PTPRD: variants seen among roughly 807,000 people sequenced by gnomAD.
PTPRD encodes protein tyrosine phosphatase receptor type D.
A neutral mutation model predicts 214.5 loss-of-function variants in PTPRD; 34 were observed. The ratio of observed to expected loss-of-function variants is 0.16; its 90% CI spans 0.12 to 0.21. PTPRD has a LOEUF of 0.21. PTPRD is among the 10% of genes least tolerant of loss of function. PTPRD has a pLI of 1.00. For missense variants in PTPRD, 2,545 were observed against 2,398.7 expected, an observed-to-expected ratio of 1.06 and a Z score of -1.27; for synonymous variants, 1,128 against 845.7, an observed-to-expected ratio of 1.33 and a Z score of -5.79.
chr9:9,745,724 C>T (rs555484404), intron 6 of PTPRD, among the ~76,000 whole-genome samples: 2 of 152,184 alleles, frequency 1.3e-5, no homozygotes, highest in South Asian at 4.1e-4. Flanking sequence ...ACCTTTCTGG[C>T]CTCAATTTTG....
At chr9:9,725,194 G>A (rs966948904) in intron 7 of PTPRD, among the ~76,000 whole-genome samples, 1 of 152,074 alleles carries the variant, frequency 6.6e-6, no homozygotes, top group Non-Finnish European at 1.5e-5. Flanking sequence ...CGTGTTCTGG[G>A]AAGGATCTGG....
intron 8 of PTPRD, among the ~76,000 whole-genome samples, chr9:9,477,885 G>T (rs956156267): frequency 6.6e-6 from 1 of 152,104 alleles, no homozygotes; most frequent in African/African-American, 2.4e-5. Context: ...TTCTCAAATT[G>T]AATTTTATAA....
At chr9:9,812,392 T>TA (rs2047416971) in intron 5 of PTPRD, among the ~76,000 whole-genome samples, 1 of 151,550 alleles carries the variant, frequency 6.6e-6, no homozygotes, top group African/African-American at 2.4e-5. Flanking sequence ...TTAGTGGATT[T>TA]GAAAAAAAAA....
chr9:9,859,850 T>G, intron 5 of PTPRD, among the ~76,000 whole-genome samples: 1 of 152,336 alleles, frequency 6.6e-6, no homozygotes, highest in Admixed American at 6.5e-5. Flanking sequence ...TTTCTTCTTG[T>G]GCCATGTACC....
intron 7 of PTPRD, among the ~76,000 whole-genome samples, chr9:9,654,890 T>C (rs1424993575): frequency 6.6e-6 from 1 of 152,184 alleles, no homozygotes; most frequent in Admixed American, 6.5e-5. Flanking sequence ...CAATGATATA[T>C]GAAATCCTTC....
rs34045121 is a variant in PTPRD, at chr9:10,111,229, C to CTTTTTTTTTT, written c.-544-77449_-544-77440dup. ...AATCTGTGTGCTTCCAGTTTAGTTT[C>CTTTTTTTTTT]TTTTTTTTTTTTTTTTTTTTTTTTT... On this transcript the variant is annotated intron_variant, in intron 3 of 45. Transcript: ENST00000381196. Among the ~76,000 whole-genome samples, 4 of 72,150 alleles carry CTTTTTTTTTT rather than the reference C, an allele frequency of 5.5e-5. 1 individual carries two copies. Among genetic ancestry groups the CTTTTTTTTTT allele is most frequent in the African/African-American group, 2.3e-4 (4 of 17,478 alleles). The allele number at this position is 72,150 out of a possible 152,430, so 47.3% of individuals were successfully genotyped here. A position where few individuals can be genotyped will look rare whatever the true frequency, so the allele number is the denominator to read the frequency against.
chr9:10,468,816 C>G (rs1029087838), intron 2 of PTPRD, among the ~76,000 whole-genome samples: 1 of 151,810 alleles, frequency 6.6e-6, no homozygotes, highest in African/African-American at 2.4e-5. Flanking sequence ...ACTAGGAAGG[C>G]AAAAATGGTG....
chr9:10,369,374 T>C (rs1008670025), intron 2 of PTPRD, among the ~76,000 whole-genome samples: 1 of 152,032 alleles, frequency 6.6e-6, no homozygotes, highest in African/African-American at 2.4e-5. Flanking sequence ...AGGCATCTAG[T>C]GTTCTTGTCC....
chr9:10,085,533 G>C (rs2098321979), intron 3 of PTPRD, among the ~76,000 whole-genome samples: 1 of 151,756 alleles, frequency 6.6e-6, no homozygotes, highest in African/African-American at 2.4e-5. Flanking sequence ...AGCACAATAT[G>C]TCATAAGAGA....
chr9:9,945,883 C>T (rs888221066), intron 4 of PTPRD, among the ~76,000 whole-genome samples: 3 of 151,850 alleles, frequency 2.0e-5, no homozygotes, highest in Admixed American at 1.3e-4. Context: ...TCTATACGTA[C>T]CTGAAATATT....
intron 9 of PTPRD, among the ~76,000 whole-genome samples, chr9:9,346,638 T>G (rs2048912020): frequency 6.6e-6 from 1 of 152,162 alleles, no homozygotes; most frequent in Non-Finnish European, 1.5e-5. Context: ...GTTTTTGAAT[T>G]GTGCCTTTGT....
chr9:8,590,489 T>C (rs1056418810), intron 14 of PTPRD, among the ~76,000 whole-genome samples: 8 of 152,142 alleles, frequency 5.3e-5, no homozygotes, highest in African/African-American at 1.4e-4. Context: ...TTATGGGTGA[T>C]AGGATTATCA....
At chr9:9,982,739 G>T (rs1021278735) in intron 4 of PTPRD, among the ~76,000 whole-genome samples, 7 of 151,700 alleles carry the variant, frequency 4.6e-5, no homozygotes, top group Non-Finnish European at 7.4e-5. Flanking sequence ...AGAGCAAAAG[G>T]TCCTAAAAAT....
At position 9,399,205 on chromosome 9, in the gene PTPRD, CAG is replaced by C. The variant is rs532085350; in HGVS notation, c.-236-1725_-236-1724del. Among the ~76,000 whole-genome samples, 9 of 152,022 alleles carry C rather than the reference CAG, an allele frequency of 5.9e-5. No individual in the cohort carries two copies. In the East Asian group the frequency reaches 1.6e-3, roughly 26 times the overall value. On this transcript the variant is annotated intron_variant, in intron 8 of 45. Transcript: ENST00000381196. ...TACTGAATAATAAAATTTTAAGTAA[CAG>C]AAGTAAAAACTTTAGCATAAGTATT...
chr9:8,940,261 ATC>A lies in PTPRD; in HGVS notation c.-104+78434_-104+78435del, dbSNP rs112253790. Among the ~76,000 whole-genome samples, 139 of 38,754 alleles carry A rather than the reference ATC, an allele frequency of 3.6e-3. 1 individual carries two copies. The highest frequency in any genetic ancestry group is 9.1e-3 in the African/African-American group (117 of 12,858). The allele number at this position is 38,754 out of a possible 152,430, so 25.4% of individuals were successfully genotyped here. On this transcript the variant is annotated intron_variant, in intron 11 of 45. Coordinates refer to ENST00000381196, the MANE Select transcript of PTPRD (RefSeq NM_002839.4). ...CTAAATTGACTAAGGCATTTCACAC[ATC>A]TCTCTCTCTCTCTCTCCTTTTTTTT... is the stretch of plus-strand genomic sequence containing the variant.
chr9:9,368,418 C>G (rs1238896833), intron 9 of PTPRD, among the ~76,000 whole-genome samples: 2 of 151,786 alleles, frequency 1.3e-5, no homozygotes, highest in Non-Finnish European at 2.9e-5. Context: ...CATTTGCATC[C>G]TTTCATCTAC....
intron 3 of PTPRD, among the ~76,000 whole-genome samples, chr9:10,159,527 T>G (rs1350337122): frequency 1.3e-5 from 2 of 152,094 alleles, no homozygotes; most frequent in Non-Finnish European, 2.9e-5. Context: ...AACCTGTGAC[T>G]GACCTTCACA....
At chr9:9,920,474 A>T (rs1182443166) in intron 5 of PTPRD, among the ~76,000 whole-genome samples, 1 of 152,186 alleles carries the variant, frequency 6.6e-6, no homozygotes, top group Non-Finnish European at 1.5e-5. Context: ...TTCATTAAAG[A>T]ACATTATTAT....
At chr9:9,327,013 A>G (rs1222172416) in intron 9 of PTPRD, among the ~76,000 whole-genome samples, 1 of 152,160 alleles carries the variant, frequency 6.6e-6, no homozygotes, top group Admixed American at 6.6e-5. Context: ...CTAAAGGGAC[A>G]AAGTAAAAAG....
Sources: gnomAD v4.1 joint callset for allele counts (sites outside exome capture counted in the v4.1 genomes callset) on GRCh38, gnomAD v4.1.1 for gene constraint, MANE v1.5 for transcripts, NCBI Gene and HGNC (gene_info 2026-07-23, HGNC 2026-07-21) for gene names.